The following RIMS2 variants were observed in gnomAD, a reference collection of about 807,000 sequenced individuals.
The protein encoded by RIMS2 is regulating synaptic membrane exocytosis protein 2.
A neutral mutation model predicts 174.4 loss-of-function variants in RIMS2; 59 were observed. The ratio of observed to expected loss-of-function variants is 0.34; its 90% CI spans 0.27 to 0.42. RIMS2 has a LOEUF of 0.42. Among genes scored for constraint, RIMS2 ranks in the 10% least tolerant of loss-of-function variants. RIMS2 has a pLI of 1.00. For synonymous variants in RIMS2, 606 were observed against 572.5 expected, an observed-to-expected ratio of 1.06 and a Z score of -0.84; for missense variants, 1,620 against 1,666.3, an observed-to-expected ratio of 0.97 and a Z score of 0.48.
chr8:103,589,585 G>A (rs924767233), intron 1 of RIMS2, among the ~76,000 whole-genome samples: 2 of 151,534 alleles, frequency 1.3e-5, no homozygotes, highest in Non-Finnish European at 3.0e-5. Flanking sequence ...TGGGTATATA[G>A]CCAAAGAAAG....
chr8:103,957,337 C>T (rs911717112), intron 14 of RIMS2, among the ~76,000 whole-genome samples: 1 of 152,182 alleles, frequency 6.6e-6, no homozygotes, highest in South Asian at 2.1e-4. Context: ...ATAGCAAAGA[C>T]TTGGAACCAA....
intron 3 of RIMS2, among the ~76,000 whole-genome samples, chr8:103,807,260 G>A (rs1466013425): frequency 6.6e-6 from 1 of 152,012 alleles, no homozygotes; most frequent in African/African-American, 2.4e-5. Flanking sequence ...ATGTGTCTCA[G>A]GAATGAAGAG....
chr8:103,785,169 G>A (rs1274771290), intron 3 of RIMS2, among the ~76,000 whole-genome samples: 1 of 144,714 alleles, frequency 6.9e-6, no homozygotes, highest in Non-Finnish European at 1.5e-5. Context: ...GAGATTTTGG[G>A]CTGAGACGAT....
chr8:104,200,240 C>T (rs551736693), intron 19 of RIMS2, among the ~76,000 whole-genome samples: 3 of 152,100 alleles, frequency 2.0e-5, no homozygotes, highest in Non-Finnish European at 4.4e-5. Flanking sequence ...TTAGTTAAAA[C>T]TGTATGTGTT....
intron 19 of RIMS2, 138 bp from the exon 22 acceptor site, chr8:104,041,188 T>C: frequency 2.4e-6 from 1 of 418,844 alleles, no homozygotes; most frequent in East Asian, 3.4e-5. Context: ...GATTATATCT[T>C]CCCTAAAACT....
exon 2 of RIMS2, chr8:103,697,294 A>G: frequency 6.2e-7 from 1 of 1,609,434 alleles, no homozygotes; most frequent in Non-Finnish European, 8.5e-7. Context: ...ACGCTCAAAC[A>G]AGGTACAGAA....
At chr8:104,208,799 A>G (rs1209731771) in intron 19 of RIMS2, among the ~76,000 whole-genome samples, 2 of 152,174 alleles carry the variant, frequency 1.3e-5, no homozygotes, top group African/African-American at 4.8e-5. Flanking sequence ...AACCTCCCAA[A>G]GTGTTGGGAT....
intron 4 of RIMS2, among the ~76,000 whole-genome samples, chr8:103,899,761 T>G (rs1232514375): frequency 2.0e-5 from 3 of 151,804 alleles, no homozygotes; most frequent in Non-Finnish European, 4.4e-5. Context: ...TTGTTGCCAT[T>G]GCTTTTGGTG....
At chr8:103,950,106 A>G (rs533175634) in intron 14 of RIMS2, among the ~76,000 whole-genome samples, 2 of 152,300 alleles carry the variant, frequency 1.3e-5, no homozygotes, top group South Asian at 2.1e-4. Context: ...CCCAATATCT[A>G]TTTGAGAAAT....
intron 2 of RIMS2, among the ~76,000 whole-genome samples, chr8:103,763,986 C>T (rs1339953412): frequency 6.6e-6 from 1 of 152,118 alleles, no homozygotes; most frequent in African/African-American, 2.4e-5. Context: ...TCAGAATTAC[C>T]TGGAGGGTTT....
chr8:104,205,178 C>T (rs1175232545), intron 19 of RIMS2, among the ~76,000 whole-genome samples: 3 of 152,078 alleles, frequency 2.0e-5, no homozygotes, highest in African/African-American at 7.2e-5. Flanking sequence ...ATACCTTTTT[C>T]CCATTTCAGA....
chr8:104,032,934 T>A (rs2096431421), intron 19 of RIMS2, among the ~76,000 whole-genome samples: 1 of 151,964 alleles, frequency 6.6e-6, no homozygotes, highest in Non-Finnish European at 1.5e-5. Flanking sequence ...ATATTATGTC[T>A]GTGAAAATAC....
exon 24 of RIMS2, chr8:104,251,752 C>G: frequency 6.2e-7 from 1 of 1,612,724 alleles, no homozygotes; most frequent in Non-Finnish European, 8.5e-7. Flanking sequence ...AACCTTGGCC[C>G]CTCTGACAAG....
At chr8:103,982,320 A>G (rs1282803575) in intron 16 of RIMS2, among the ~76,000 whole-genome samples, 1 of 152,156 alleles carries the variant, frequency 6.6e-6, no homozygotes, top group African/African-American at 2.4e-5. Flanking sequence ...AAACATTTAA[A>G]GAAGAACCAA....
At chr8:103,623,634 G>A (rs1423981448) in intron 1 of RIMS2, among the ~76,000 whole-genome samples, 41 of 148,442 alleles carry the variant, frequency 2.8e-4, no homozygotes, top group African/African-American at 8.6e-4. Context: ...ACAGGCGCCC[G>A]CCACCACGCC....
At chr8:103,858,566 C>T (rs1244991478) in intron 3 of RIMS2, among the ~76,000 whole-genome samples, 1 of 151,414 alleles carries the variant, frequency 6.6e-6, no homozygotes. Flanking sequence ...TATAGGAAAA[C>T]TTAACCATAT....
At chr8:104,034,140 T>C (rs1176389460) in intron 19 of RIMS2, among the ~76,000 whole-genome samples, 1 of 152,186 alleles carries the variant, frequency 6.6e-6, no homozygotes, top group African/African-American at 2.4e-5. Context: ...TGGCTGTGCA[T>C]CAATAGCATA....
chr8:104,088,782 G>T (rs1405554357), intron 19 of RIMS2, among the ~76,000 whole-genome samples: 1 of 151,898 alleles, frequency 6.6e-6, no homozygotes, highest in Non-Finnish European at 1.5e-5. Context: ...TGGAGAAAAT[G>T]AAACTGATTT....
chr8:103,921,315 AT>A (rs2077610359), intron 9 of RIMS2, among the ~76,000 whole-genome samples: 1 of 151,876 alleles, frequency 6.6e-6, no homozygotes, highest in Non-Finnish European at 1.5e-5. Flanking sequence ...TGCTTTAATG[AT>A]TTATGTTTTG....
Sources: gnomAD v4.1 joint callset for allele counts (sites outside exome capture counted in the v4.1 genomes callset) on GRCh38, gnomAD v4.1.1 for gene constraint, MANE v1.5 for transcripts, NCBI Gene and HGNC (gene_info 2026-07-23, HGNC 2026-07-21) for gene names.